Variants in LUZP2 observed in about 807,000 individuals in gnomAD.
LUZP2 encodes the protein leucine zipper protein 2.
A neutral mutation model predicts 51.6 loss-of-function variants in LUZP2; 52 were observed. The ratio of observed to expected loss-of-function variants is 1.01; its 90% CI spans 0.81 to 1.27. The LOEUF (loss-of-function observed/expected upper bound fraction) is 1.27, where lower values mean the gene tolerates loss of function less well. Ranked by LOEUF, LUZP2 falls within the 50% of genes most tolerant of loss-of-function variation. The pLI is 0.00. For synonymous variants in LUZP2, 154 were observed against 137.3 expected (o/e 1.12, Z -0.85); for missense variants, 436 against 395.4 (o/e 1.10, Z -0.87).
intron 1 of LUZP2, among the ~76,000 whole-genome samples, chr11:24,671,130 A>C (rs904806364): frequency 1.4e-4 from 21 of 151,884 alleles, no homozygotes; most frequent in African/African-American, 4.8e-4. Flanking sequence ...TTATATTATT[A>C]ATTTAGGTTT....
intron 6 of LUZP2, among the ~76,000 whole-genome samples, chr11:24,911,445 A>G (rs988575073): frequency 6.6e-6 from 1 of 152,104 alleles, no homozygotes; most frequent in Admixed American, 6.6e-5. Context: ...GAGGTAATTG[A>G]ATTTTGGAGG....
intron 5 of LUZP2, among the ~76,000 whole-genome samples, chr11:24,808,248 A>G (rs1334935592): frequency 6.6e-6 from 1 of 152,178 alleles, no homozygotes; most frequent in Non-Finnish European, 1.5e-5. Flanking sequence ...AATGACTTCC[A>G]AGAATATTTT....
chr11:24,649,485 C>T (rs1278764017), intron 1 of LUZP2, among the ~76,000 whole-genome samples: 2 of 151,868 alleles, frequency 1.3e-5, no homozygotes, highest in African/African-American at 2.4e-5. Context: ...ATGTGTAGGA[C>T]CCCCCAGTGT....
chr11:24,638,519 A>G (rs1218115060), intron 1 of LUZP2, among the ~76,000 whole-genome samples: 15 of 151,752 alleles, frequency 9.9e-5, no homozygotes, highest in Admixed American at 9.2e-4. Context: ...GCAAGCTAGA[A>G]AAAAATAAAA....
At chr11:25,036,083 A>G (rs181886995) in intron 9 of LUZP2, among the ~76,000 whole-genome samples, 14 of 152,204 alleles carry the variant, frequency 9.2e-5, no homozygotes, top group African/African-American at 3.1e-4. Context: ...TCAGCTGTGA[A>G]TACCTCTGAT....
At chr11:24,786,539 A>G (rs922977973) in intron 5 of LUZP2, 78 of 630,590 alleles carry the variant, frequency 1.2e-4, no homozygotes, top group Non-Finnish European at 1.5e-4. Flanking sequence ...ACACAAATAT[A>G]TAATATATAA....
chr11:24,958,609 T>C (rs1254816123), intron 7 of LUZP2, among the ~76,000 whole-genome samples: 1 of 152,098 alleles, frequency 6.6e-6, no homozygotes, highest in Non-Finnish European at 1.5e-5. Flanking sequence ...TGTTTGTTTT[T>C]TTCTTGTAAA....
At chr11:24,571,542 T>A (rs1028683403) in intron 1 of LUZP2, among the ~76,000 whole-genome samples, 1 of 152,114 alleles carries the variant, frequency 6.6e-6, no homozygotes, top group African/African-American at 2.4e-5. Flanking sequence ...AATTCTCATA[T>A]GTCATTTGTG....
At chr11:24,668,582 T>C (rs34807613) in intron 1 of LUZP2, among the ~76,000 whole-genome samples, 57 of 152,272 alleles carry the variant, frequency 3.7e-4, no homozygotes, top group Non-Finnish European at 5.9e-4. Flanking sequence ...ACTGAATGAA[T>C]CATTGTGGCC....
intron 9 of LUZP2, among the ~76,000 whole-genome samples, chr11:25,045,927 T>G (rs1858291625): frequency 6.6e-6 from 1 of 152,184 alleles, no homozygotes. Flanking sequence ...ACTCATAGTA[T>G]TAGCAAGAAG....
chr11:24,506,333 G>A (rs1340234922), intron 1 of LUZP2, among the ~76,000 whole-genome samples: 2 of 151,880 alleles, frequency 1.3e-5, no homozygotes. Flanking sequence ...ACTAAGCATT[G>A]GGCAGGAAAA....
intron 7 of LUZP2, among the ~76,000 whole-genome samples, chr11:24,948,833 ATC>A (rs1854981518): frequency 1.2e-4 from 1 of 8,436 alleles, no homozygotes; most frequent in Non-Finnish European, 5.4e-3. Flanking sequence ...TCATCTATCT[ATC>A]TATCTATCTA....
intron 1 of LUZP2, among the ~76,000 whole-genome samples, chr11:24,543,011 AAAAT>A (rs1851428545): frequency 2.1e-5 from 3 of 144,444 alleles, no homozygotes. Context: ...CAAGTAAATT[AAAAT>A]AAATAAAAGA....
At chr11:24,554,352 G>A (rs10834384) in intron 1 of LUZP2, among the ~76,000 whole-genome samples, 63,567 of 151,796 alleles carry the variant, frequency 0.42, 13,797 homozygotes, top group African/African-American at 0.52. Flanking sequence ...AAATGTATTT[G>A]GCATGAAAGT....
intron 10 of LUZP2, among the ~76,000 whole-genome samples, chr11:25,064,464 C>T (rs991477276): frequency 6.6e-6 from 1 of 151,766 alleles, no homozygotes; most frequent in African/African-American, 2.4e-5. Context: ...TTTAACTATT[C>T]AAATTTTCAG....
intron 10 of LUZP2, among the ~76,000 whole-genome samples, chr11:25,053,987 A>T (rs1017597237): frequency 1.5e-4 from 23 of 152,264 alleles, no homozygotes; most frequent in African/African-American, 5.5e-4. Flanking sequence ...CCTTACCTTA[A>T]ACTAAGCCTC....
At chr11:24,897,425 T>G (rs1408035752) in intron 5 of LUZP2, among the ~76,000 whole-genome samples, 1 of 152,100 alleles carries the variant, frequency 6.6e-6, no homozygotes, top group African/African-American at 2.4e-5. Context: ...ATTGCGAAGG[T>G]CCACAGCTTA....
At chr11:24,810,575 G>T (rs762899798) in intron 5 of LUZP2, among the ~76,000 whole-genome samples, 3 of 152,066 alleles carry the variant, frequency 2.0e-5, no homozygotes, top group African/African-American at 7.2e-5. Context: ...GTTAATGTAC[G>T]TGCTCTTATA....
intron 1 of LUZP2, among the ~76,000 whole-genome samples, chr11:24,561,510 T>C (rs1852040162): frequency 6.6e-6 from 1 of 152,134 alleles, no homozygotes; most frequent in African/African-American, 2.4e-5. Flanking sequence ...TCATGTCCTT[T>C]GCAGGAACAT....
Sources: allele counts gnomAD v4.1 joint callset (sites outside exome capture counted in the v4.1 genomes callset), GRCh38; gene constraint gnomAD v4.1.1; transcripts MANE v1.5; gene names NCBI Gene and HGNC (gene_info 2026-07-23, HGNC 2026-07-21).